The following WASHC5 variants were observed in gnomAD, a reference collection of about 807,000 sequenced individuals.
WASHC5 encodes WASH complex subunit strumpellin.
Under a neutral mutation model 150.4 loss-of-function variants are expected in WASHC5, and 101 were observed. The observed-to-expected ratio is 0.67, with a 90% CI of 0.57 to 0.79. WASHC5 has a LOEUF of 0.79. Ranked by LOEUF, WASHC5 falls within the 30% of genes least tolerant of loss-of-function variation. WASHC5 has a pLI of 0.00. For missense variants in WASHC5, 1,195 were observed against 1,396.3 expected (o/e 0.86, Z 2.30); for synonymous variants, 467 against 491.2 (o/e 0.95, Z 0.65).
intron 25 of WASHC5, among the ~76,000 whole-genome samples, chr8:125,037,782 G>A (rs1815759933): frequency 2.6e-5 from 4 of 152,158 alleles, no homozygotes; most frequent in South Asian, 2.1e-4. Context: ...ATGTAGCAGC[G>A]AGTGGTGGTA....
chr8:125,031,971 C>T (rs1815552778), intron 27 of WASHC5, among the ~76,000 whole-genome samples: 1 of 152,138 alleles, frequency 6.6e-6, no homozygotes, highest in South Asian at 2.1e-4. Context: ...GCTGCACTTT[C>T]TTCCCCATGG....
Position 125,073,209 on chromosome 8 carries a change from C to T in WASHC5, c.1094G>A (p.Cys365Tyr). ...GATGGCAACATTGCAGTCTCTCAGGCAGTTCAGAAGCTTTGGGATATTGTC... is the reference window on the plus strand; with the variant it reads ...GATGGCAACATTGCAGTCTCTCAGGTAGTTCAGAAGCTTTGGGATATTGTC... ...VLDNIPKLLN[C>Y]LRDCNVAIRW... is the part of the protein sequence containing the mutation. The change falls in exon 9 of 29, where the codon TGC (cysteine) becomes TAC (tyrosine). Residue 365 changes from cysteine (C) to tyrosine (Y), a missense_variant. Around this residue, in one of 3 missense-constraint regions of WASHC5, gnomAD observed 997 missense variants for 1,168.1 expected, o/e 0.85. Coordinates refer to ENST00000318410, the MANE Select transcript of WASHC5 (RefSeq NM_014846.4). The T allele has an allele frequency of 6.2e-7, 1 of 1,614,148 alleles. No individual in the cohort carries two copies. Among genetic ancestry groups the T allele is most frequent in the Non-Finnish European group, 8.5e-7 (1 of 1,179,992 alleles).
At position 125,064,516 on chromosome 8, in the gene WASHC5, C is replaced by T. The variant is rs376549642; in HGVS notation, c.1279-865G>A. 7.8e-4 allele frequency among the ~76,000 whole-genome samples: 118 copies of T among 151,924 alleles called. 2 individuals are homozygous for T. In the Middle Eastern group the frequency reaches 0.02, roughly 26 times the overall value. ...GGATTATAGGCATGAGCCACTGTAC[C>T]GCCTTAATTCTGTTTATTAATTCAC... On this transcript the variant is annotated intron_variant, in intron 10 of 28. Transcript: ENST00000318410.
At chr8:125,066,615 C>T (rs1173037944) in intron 10 of WASHC5, among the ~76,000 whole-genome samples, 1 of 152,184 alleles carries the variant, frequency 6.6e-6, no homozygotes, top group Non-Finnish European at 1.5e-5. Flanking sequence ...CCAGTTAATA[C>T]CCTTTCCAGT....
In WASHC5 at chr8:125,073,245, T is replaced by A; in HGVS notation, c.1058A>T (p.Glu353Val). The A allele has an allele frequency of 6.2e-7, 1 of 1,614,040 alleles. No homozygotes were observed. The highest frequency in any genetic ancestry group is 8.5e-7 in the Non-Finnish European group (1 of 1,179,932). The change falls in exon 9 of 29, where the codon GAG (glutamate) becomes GTG (valine). Residue 353 changes from glutamate (E) to valine (V), a missense_variant. Physicochemically the swap from Glu to Val is moderately radical, Grantham distance 121. This residue lies in a region of WASHC5 where 997 missense variants were observed against 1,168.1 expected (regional missense o/e 0.85). Transcript: ENST00000318410. ...CTTTGGGATATTGTCCAGAACCATC[T>A]CCTCCCTTAAATAACCTTCTTTTAG... is the stretch of plus-strand genomic sequence containing the variant. ...QFLKEGYLRE[E>V]MVLDNIPKLL...
At chr8:125,028,222 AT>A (rs758357982) in intron 28 of WASHC5, among the ~76,000 whole-genome samples, 9 of 152,226 alleles carry the variant, frequency 5.9e-5, no homozygotes, top group Non-Finnish European at 1.3e-4. Flanking sequence ...TCATATATAC[AT>A]TTAGTTGTGG....
chr8:125,044,440 G>A lies in WASHC5; in HGVS notation c.2667+96C>T. ...CCTAAAGTCAGTGTAAGAAATCATG[G>A]AAGAAAGGTTAAGTGAGTTCAAACT... On this transcript the variant is annotated intron_variant, in intron 21 of 28. Transcript: ENST00000318410. 3 of 1,330,148 alleles carry A rather than the reference G, an allele frequency of 2.3e-6. No homozygotes were observed. In the South Asian group the frequency reaches 3.5e-5, roughly 16 times the overall value. 82.4% of individuals were successfully genotyped at this position (1,330,148 alleles called of 1,614,324 possible).
chr8:125,063,508 T>C lies in WASHC5; in HGVS notation c.1408+14A>G, dbSNP rs1361868055. ...ACATTCCAAACACACCAGTATTTCC[T>C]CTTCAGTAATTACCATTTTTCTCCA... On this transcript the variant is annotated intron_variant, in intron 11 of 28. Coordinates refer to ENST00000318410, the MANE Select transcript of WASHC5 (RefSeq NM_014846.4). The C allele has an allele frequency of 1.2e-6, 2 of 1,613,500 alleles. No individual in the cohort carries two copies. The highest frequency in any genetic ancestry group is 1.1e-5 in the South Asian group (1 of 91,070).
intron 26 of WASHC5, 142 bp from the exon 27 acceptor site, chr8:125,032,536 G>T: frequency 1.0e-6 from 1 of 964,462 alleles, no homozygotes; most frequent in Non-Finnish European, 1.6e-6. Flanking sequence ...ACAATTCTGG[G>T]CCATATTTTG....
intron 11 of WASHC5, among the ~76,000 whole-genome samples, chr8:125,062,459 A>G (rs1302212618): frequency 6.6e-6 from 1 of 152,220 alleles, no homozygotes; most frequent in Non-Finnish European, 1.5e-5. Flanking sequence ...CTAGGCAGCT[A>G]ACCGGGTCAG....
intron 26 of WASHC5, among the ~76,000 whole-genome samples, chr8:125,034,416 C>T (rs1289555973): frequency 6.6e-6 from 1 of 151,962 alleles, no homozygotes; most frequent in East Asian, 1.9e-4. Context: ...CGAGGCAGAA[C>T]TGCTTGAACC....
intron 23 of WASHC5, among the ~76,000 whole-genome samples, chr8:125,042,875 C>T (rs1815936629): frequency 6.6e-6 from 1 of 152,202 alleles, no homozygotes; most frequent in Non-Finnish European, 1.5e-5. Context: ...ACAACAACAA[C>T]AACCACTCAC....
rs752989686 is a variant in WASHC5, at chr8:125,044,729, A to G, written c.2505-31T>C. The G allele has an allele frequency of 2.7e-5, 44 of 1,608,618 alleles. 1 individual carries two copies. The Admixed American group carries it at 7.2e-4, about 26-fold the overall frequency. ...ATGAAAACAATGCAAAAACCCCAGA[A>G]TGGCTCAGAATTCATCCTTAAAGAG... On this transcript the variant is annotated intron_variant, in intron 20 of 28. Coordinates refer to ENST00000318410, the MANE Select transcript of WASHC5 (RefSeq NM_014846.4).
chr8:125,078,972 C>T (rs1248494733), intron 5 of WASHC5, 42 bp from the exon 6 acceptor site: 3 of 1,534,250 alleles, frequency 2.0e-6, no homozygotes, highest in Non-Finnish European at 2.7e-6. Flanking sequence ...CCAAAACACA[C>T]ATATTAGAAA....
At chr8:125,026,833 T>A (rs1401718995) in intron 28 of WASHC5, among the ~76,000 whole-genome samples, 2 of 152,110 alleles carry the variant, frequency 1.3e-5, no homozygotes, top group African/African-American at 4.8e-5. Context: ...AATATTTTAA[T>A]ATCTTTTTTT....
chr8:125,087,728 C>T (rs1449739955), intron 1 of WASHC5, among the ~76,000 whole-genome samples: 6 of 110,364 alleles, frequency 5.4e-5, no homozygotes, highest in Non-Finnish European at 8.4e-5. Context: ...GAGACCCTCT[C>T]TCAAAAAAAA....
chr8:125,053,408 T>C (rs770994483), intron 17 of WASHC5, among the ~76,000 whole-genome samples: 5 of 152,194 alleles, frequency 3.3e-5, no homozygotes, highest in Non-Finnish European at 7.4e-5. Flanking sequence ...CAAGCAGTCT[T>C]GGTAAAATTC....
At chr8:125,028,358 T>A (rs1815429604) in intron 28 of WASHC5, among the ~76,000 whole-genome samples, 1 of 152,152 alleles carries the variant, frequency 6.6e-6, no homozygotes, top group South Asian at 2.1e-4. Flanking sequence ...TTCACTTAAC[T>A]CCTGAACCAG....
intron 20 of WASHC5, among the ~76,000 whole-genome samples, chr8:125,045,397 T>C (rs972517566): frequency 1.3e-5 from 2 of 152,190 alleles, no homozygotes; most frequent in African/African-American, 4.8e-5. Context: ...TTATAGATAA[T>C]TGAGGCTCTC....
Sources: allele counts gnomAD v4.1 joint callset (sites outside exome capture counted in the v4.1 genomes callset), GRCh38; gene constraint gnomAD v4.1.1; regional missense constraint gnomAD v4.1.1; transcripts MANE v1.5; gene names NCBI Gene and HGNC (gene_info 2026-07-23, HGNC 2026-07-21).